The following KCNJ6 variants were observed in gnomAD, a reference collection of about 807,000 sequenced individuals.
KCNJ6 encodes the protein G protein-activated inward rectifier potassium channel 2.
A neutral mutation model predicts 34.2 loss-of-function variants in KCNJ6; 9 were observed. The ratio of observed to expected loss-of-function variants is 0.26; its 90% CI spans 0.16 to 0.46. KCNJ6 has a LOEUF of 0.46. KCNJ6 is among the 20% of genes least tolerant of loss of function. KCNJ6 has a pLI of 1.00. For synonymous variants in KCNJ6, 196 were observed against 207.1 expected, an observed-to-expected ratio of 0.95 and a Z score of 0.46; for missense variants, 236 against 531.3, an observed-to-expected ratio of 0.44 and a Z score of 5.46.
chr21:37,642,673 A>G (rs538214596), intron 3 of KCNJ6, among the ~76,000 whole-genome samples: 1 of 150,986 alleles, frequency 6.6e-6, no homozygotes, highest in South Asian at 2.1e-4. Flanking sequence ...TGAGCATCCG[A>G]CCATGTTTAA....
intron 1 of KCNJ6, among the ~76,000 whole-genome samples, chr21:37,845,270 T>C (rs919470560): frequency 2.0e-5 from 3 of 152,154 alleles, no homozygotes; most frequent in Non-Finnish European, 4.4e-5. Flanking sequence ...TCTTTTAAAA[T>C]GAAAAGAAAA....
Position 37,614,592 on chromosome 21 carries a change from G to C in KCNJ6, c.*10567C>G, listed in dbSNP as rs370929544. ...TATGCATGTGTCTCTGTATGCATGTGTGTGTATGCATGTCTGTATGCGTGT... is the reference window on the plus strand; with the variant it reads ...TATGCATGTGTCTCTGTATGCATGTCTGTGTATGCATGTCTGTATGCGTGT... On this transcript the variant is annotated 3_prime_UTR_variant, in exon 4 of 4. Transcript: ENST00000609713. The C allele has an allele frequency of 0.14, 12,205 of 85,008 alleles. 682 individuals are homozygous for C. Among genetic ancestry groups the C allele is most frequent in the South Asian group, 0.21 (432 of 2,064 alleles). The allele number at this position is 85,008 out of a possible 1,614,324, so 5.3% of individuals were successfully genotyped here.
At chr21:37,766,560 G>A (rs1172140005) in intron 2 of KCNJ6, among the ~76,000 whole-genome samples, 1 of 152,214 alleles carries the variant, frequency 6.6e-6, no homozygotes, top group Non-Finnish European at 1.5e-5. Flanking sequence ...TCCCCCGAGG[G>A]TTCTAAGTCA....
chr21:37,674,961 A>G (rs2123411878), intron 3 of KCNJ6, among the ~76,000 whole-genome samples: 1 of 152,268 alleles, frequency 6.6e-6, no homozygotes, highest in East Asian at 1.9e-4. Flanking sequence ...AGGGTGGCTA[A>G]GGAGAGGTAA....
At chr21:37,886,852 T>A (rs1189846252) in intron 1 of KCNJ6, among the ~76,000 whole-genome samples, 2 of 152,118 alleles carry the variant, frequency 1.3e-5, no homozygotes, top group Non-Finnish European at 2.9e-5. Context: ...AGCAGTTTGC[T>A]GACACACAGA....
intron 1 of KCNJ6, among the ~76,000 whole-genome samples, chr21:37,886,201 T>G (rs2055734763): frequency 6.6e-6 from 1 of 152,180 alleles, no homozygotes; most frequent in Admixed American, 6.5e-5. Flanking sequence ...CTTATATTTT[T>G]TAAAAACCCA....
chr21:37,882,181 A>G (rs1256971551), intron 1 of KCNJ6, among the ~76,000 whole-genome samples: 3 of 151,996 alleles, frequency 2.0e-5, no homozygotes, highest in African/African-American at 7.2e-5. Flanking sequence ...TTAATTCTCT[A>G]CTGTGTGCCC....
At chr21:37,895,914 C>T (rs1355806726) in intron 1 of KCNJ6, among the ~76,000 whole-genome samples, 5 of 152,200 alleles carry the variant, frequency 3.3e-5, no homozygotes, top group African/African-American at 9.7e-5. Context: ...CTGATAAATG[C>T]CTGCAGGCTC....
rs772060420 is a variant in KCNJ6, at chr21:37,863,846, G to GTTTTTTTTTTTTTTTTTTTTT, written c.-27-23138_-27-23137insAAAAAAAAAAAAAAAAAAAAA. On this transcript the variant is annotated intron_variant, in intron 1 of 3. Transcript: ENST00000609713. Reference sequence around the variant, plus strand: ...CTTTAAGCAATTTTAAAATATAAAGGTTTTTTTTTTTTTGTTTTTTTTTTT... The same window carrying GTTTTTTTTTTTTTTTTTTTTT: ...CTTTAAGCAATTTTAAAATATAAAGGTTTTTTTTTTTTTTTTTTTTTTTTTTTTTTTTTTGTTTTTTTTTTT... Among the ~76,000 whole-genome samples the GTTTTTTTTTTTTTTTTTTTTT allele has an allele frequency of 2.5e-4, 24 of 97,066 alleles. 7 individuals are homozygous for GTTTTTTTTTTTTTTTTTTTTT. Among genetic ancestry groups the GTTTTTTTTTTTTTTTTTTTTT allele is most frequent in the African/African-American group, 6.9e-4 (16 of 23,088 alleles). 63.7% of individuals were successfully genotyped at this position (97,066 alleles called of 152,430 possible).
At chr21:37,907,839 G>A (rs2055849042) in intron 1 of KCNJ6, among the ~76,000 whole-genome samples, 1 of 152,120 alleles carries the variant, frequency 6.6e-6, no homozygotes, top group African/African-American at 2.4e-5. Flanking sequence ...TTGGACTCAG[G>A]TACTGTCCTG....
At chr21:37,722,855 C>G (rs2054833845) in intron 2 of KCNJ6, among the ~76,000 whole-genome samples, 1 of 152,180 alleles carries the variant, frequency 6.6e-6, no homozygotes, top group African/African-American at 2.4e-5. Flanking sequence ...CTAGGAAACA[C>G]CATTCTGGAC....
intron 3 of KCNJ6, among the ~76,000 whole-genome samples, chr21:37,684,955 T>C (rs1199528619): frequency 6.6e-6 from 1 of 152,116 alleles, no homozygotes; most frequent in Non-Finnish European, 1.5e-5. Flanking sequence ...AAAATAAATA[T>C]ATTTTGCAGG....
chr21:37,742,517 G>GAA (rs11419404), intron 2 of KCNJ6, among the ~76,000 whole-genome samples: 1 of 152,166 alleles, frequency 6.6e-6, no homozygotes, highest in Non-Finnish European at 1.5e-5. Flanking sequence ...ATATTAAAAA[G>GAA]AAAAACACCT....
chr21:37,637,406 T>C (rs1216049438), intron 3 of KCNJ6, among the ~76,000 whole-genome samples: 5 of 152,178 alleles, frequency 3.3e-5, no homozygotes, highest in Non-Finnish European at 7.4e-5. Context: ...TTTTTAAAAA[T>C]GTCTAAAAAA....
At chr21:37,856,613 T>TGG (rs1253941960) in intron 1 of KCNJ6, among the ~76,000 whole-genome samples, 1 of 150,506 alleles carries the variant, frequency 6.6e-6, no homozygotes, top group East Asian at 1.9e-4. Context: ...AACTCTTAAA[T>TGG]GGAGAGAGAG....
intron 3 of KCNJ6, among the ~76,000 whole-genome samples, chr21:37,681,070 G>T (rs901234878): frequency 6.6e-6 from 1 of 152,208 alleles, no homozygotes; most frequent in Non-Finnish European, 1.5e-5. Context: ...GGATCATGTT[G>T]GTTGTGAATG....
At chr21:37,646,854 A>G (rs1352422103) in intron 3 of KCNJ6, among the ~76,000 whole-genome samples, 2 of 151,954 alleles carry the variant, frequency 1.3e-5, no homozygotes, top group Non-Finnish European at 2.9e-5. Flanking sequence ...GTACTTTTTT[A>G]GTAGAGACGG....
chr21:37,722,028 G>A (rs1419821202), intron 2 of KCNJ6, among the ~76,000 whole-genome samples: 3 of 152,188 alleles, frequency 2.0e-5, no homozygotes, highest in Admixed American at 1.3e-4. Flanking sequence ...CTGATAATAT[G>A]ATTCTATACC....
intron 2 of KCNJ6, among the ~76,000 whole-genome samples, chr21:37,740,216 T>G (rs1406148556): frequency 6.6e-6 from 1 of 152,212 alleles, no homozygotes; most frequent in African/African-American, 2.4e-5. Flanking sequence ...AAATTTAACC[T>G]GAGAGACTGG....
Sources: gnomAD v4.1 joint callset for allele counts (sites outside exome capture counted in the v4.1 genomes callset) on GRCh38, gnomAD v4.1.1 for gene constraint, MANE v1.5 for transcripts, NCBI Gene and HGNC (gene_info 2026-07-23, HGNC 2026-07-21) for gene names.